Variants in PRDM15 observed in about 807,000 individuals in gnomAD.
PRDM15 encodes the protein PR/SET domain 15.
In PRDM15, 64 loss-of-function variants were observed where a neutral mutation model predicts 128.6. That is an observed-to-expected ratio of 0.50 (90% CI 0.41 to 0.61). The LOEUF is 0.61. Among genes scored for constraint, PRDM15 ranks in the 20% least tolerant of loss-of-function variants. PRDM15 has a pLI of 0.00. For synonymous variants in PRDM15, 615 were observed against 621.8 expected (o/e 0.99, Z 0.16); for missense variants, 1,242 against 1,569.1 (o/e 0.79, Z 3.52).
chr21:41,819,167 C>G (rs893834718), intron 18 of PRDM15, among the ~76,000 whole-genome samples: 2 of 152,260 alleles, frequency 1.3e-5, no homozygotes, highest in African/African-American at 2.4e-5. Flanking sequence ...TGCCTCGAGT[C>G]CTTCTTTCCT....
chr21:41,849,476 G>A (rs912476914), intron 5 of PRDM15, among the ~76,000 whole-genome samples: 1 of 152,026 alleles, frequency 6.6e-6, no homozygotes, highest in Non-Finnish European at 1.5e-5. Flanking sequence ...GCTGAGGCAT[G>A]AGAATTGCTC....
At chr21:41,808,132 C>T (rs1240270363) in intron 21 of PRDM15, among the ~76,000 whole-genome samples, 4 of 152,220 alleles carry the variant, frequency 2.6e-5, no homozygotes, top group Non-Finnish European at 4.4e-5. Context: ...GAAACCCACA[C>T]GTCATGGAGA....
At chr21:41,807,624 T>C (rs1361337837) in intron 21 of PRDM15, among the ~76,000 whole-genome samples, 2 of 152,116 alleles carry the variant, frequency 1.3e-5, no homozygotes, top group Non-Finnish European at 2.9e-5. Flanking sequence ...TATTTTTCTG[T>C]CTCCTACCCA....
chr21:41,855,926 CCCTCCCTTCCTTCCTTTCCTTCCCTCCCT>C (rs1568993972), intron 4 of PRDM15, among the ~76,000 whole-genome samples: 78 of 11,276 alleles, frequency 6.9e-3, no homozygotes, highest in East Asian at 0.02. Context: ...CTCCCTCCCT[CCCTCCCTTCCTTCCTTTCCTTCCCTCCCT>C]CCCTCCCTCC....
chr21:41,803,194 C>T, intron 22 of PRDM15: 1 of 488,770 alleles, frequency 2.0e-6, no homozygotes, highest in Non-Finnish European at 3.7e-6. Context: ...TTCTTAGAAA[C>T]TTAACGTTTT....
rs1238692235 is a variant in PRDM15 at position 41,821,335 on chromosome 21, G to C, written c.1897-105C>G. 13 of 1,346,782 alleles carry C rather than the reference G, an allele frequency of 9.7e-6. No homozygotes were observed. The highest frequency in any genetic ancestry group is 1.3e-5 in the Non-Finnish European group (13 of 971,782). The allele number at this position is 1,346,782 out of a possible 1,614,324, so 83.4% of individuals were successfully genotyped here. A position where few individuals can be genotyped will look rare whatever the true frequency, so the allele number is the denominator to read the frequency against. ...AACCAGGGCACCCGACACGCCCTGA[G>C]AGCCCATGACTCATGCCAGGGTGGA... is the stretch of plus-strand genomic sequence containing the variant. On this transcript the variant is annotated intron_variant, in intron 15 of 23. Coordinates refer to ENST00000398548, the MANE Select transcript of PRDM15 (RefSeq NM_001040424.3). The surrounding 1 kb of genome is among the most constrained non-coding windows in gnomAD (Gnocchi z 5.4).
At chr21:41,878,776 G>A in intron 1 of PRDM15, 1 of 1,447,584 alleles carries the variant, frequency 6.9e-7, no homozygotes, top group East Asian at 2.7e-5. Context: ...CCGAGGGCGG[G>A]GGATAACGAC....
chr21:41,826,983 C>T (rs927108859), intron 12 of PRDM15, among the ~76,000 whole-genome samples: 4 of 152,300 alleles, frequency 2.6e-5, no homozygotes, highest in South Asian at 4.2e-4. Flanking sequence ...CATTTATGGG[C>T]GCTTGCCATG....
Position 41,838,073 on chromosome 21 carries a change from G to A in PRDM15, c.872-10C>T. On this transcript the variant is annotated splice_polypyrimidine_tract_variant and intron_variant, in intron 7 of 23. Transcript: ENST00000398548. ...ATCTCTGCCACTTGCTCTGTACGAAGGGGATGTGACAAGCTAAGTAACCAC... is the reference window on the plus strand; with the variant it reads ...ATCTCTGCCACTTGCTCTGTACGAAAGGGATGTGACAAGCTAAGTAACCAC... 6.2e-7 allele frequency: 1 copy of A among 1,613,562 alleles called. No homozygotes were observed. The highest frequency in any genetic ancestry group is 1.1e-5 in the South Asian group (1 of 91,072).
At chr21:41,804,811 C>A in intron 21 of PRDM15, 197 bp from the exon 22 acceptor site, 1 of 476,626 alleles carries the variant, frequency 2.1e-6, no homozygotes, top group South Asian at 3.0e-5. Context: ...TATCCTCACC[C>A]CTTATTTCAT....
intron 11 of PRDM15, among the ~76,000 whole-genome samples, chr21:41,829,143 CCACA>C (rs1259239854): frequency 8.7e-5 from 13 of 149,686 alleles, no homozygotes; most frequent in East Asian, 2.0e-4. Context: ...CACACATGCC[CCACA>C]CAAATACACA....
chr21:41,819,959 C>T (rs987866982), intron 17 of PRDM15, 136 bp downstream of exon 17: 1 of 827,178 alleles, frequency 1.2e-6, no homozygotes, highest in Non-Finnish European at 1.9e-6. Flanking sequence ...ACGGGAAAAG[C>T]TGGAGAAACA....
At chr21:41,876,610 G>A (rs539193043) in intron 1 of PRDM15, among the ~76,000 whole-genome samples, 116 of 152,156 alleles carry the variant, frequency 7.6e-4, no homozygotes, top group African/African-American at 2.6e-3. Context: ...CAAGAGGAGG[G>A]ACCTTTCCTT....
At position 41,859,371 on chromosome 21, in the gene PRDM15, G is replaced by A. The variant is rs1319941443; in HGVS notation, c.131+221C>T. ...CTGGGCTCCAGCTAAGAACCCTGGA[G>A]TGGATCAAAGAAACTCACTCTGGAG... On this transcript the variant is annotated intron_variant, in intron 3 of 23. Coordinates refer to ENST00000398548, the MANE Select transcript of PRDM15 (RefSeq NM_001040424.3). This position sits in a 1 kb window ranked among gnomAD's most constrained non-coding sequence, Gnocchi z 5.3. 22 of 809,494 alleles carry A rather than the reference G, an allele frequency of 2.7e-5. No homozygotes were observed. The highest frequency in any genetic ancestry group is 3.7e-5 in the Non-Finnish European group (19 of 511,418). 50.1% of individuals were successfully genotyped at this position (809,494 alleles called of 1,614,324 possible).
intron 1 of PRDM15, chr21:41,867,215 C>T (rs1310901634): frequency 5.0e-6 from 5 of 992,828 alleles, no homozygotes; most frequent in Admixed American, 2.0e-5. Context: ...AAGGCAGCCA[C>T]TCAGGGGCCT....
chr21:41,823,511 C>A, intron 13 of PRDM15, 62 bp from the exon 14 acceptor site: 1 of 1,513,894 alleles, frequency 6.6e-7, no homozygotes, highest in South Asian at 1.2e-5. Flanking sequence ...GGAGCCTCTC[C>A]ATCAGGCTCC....
intron 11 of PRDM15, chr21:41,834,586 G>T: frequency 6.5e-7 from 1 of 1,543,922 alleles, no homozygotes; most frequent in East Asian, 2.4e-5. Flanking sequence ...GGGACACAAA[G>T]GCAACAGTGA....
chr21:41,829,648 T>C (rs1478613627), intron 11 of PRDM15, among the ~76,000 whole-genome samples: 2 of 146,294 alleles, frequency 1.4e-5, no homozygotes, highest in Non-Finnish European at 3.0e-5. Context: ...ACACCACAAA[T>C]ACATTCAACA....
intron 14 of PRDM15, among the ~76,000 whole-genome samples, chr21:41,822,379 C>T (rs1433048596): frequency 2.0e-5 from 3 of 152,250 alleles, no homozygotes; most frequent in Admixed American, 6.5e-5. Context: ...TCTTGATCAG[C>T]GCTTCTCCCA....
Sources: gnomAD v4.1 joint callset for allele counts (sites outside exome capture counted in the v4.1 genomes callset) on GRCh38, gnomAD v4.1.1 for gene constraint, Gnocchi (gnomAD v3.1) non-coding constraint, MANE v1.5 for transcripts, NCBI Gene and HGNC (gene_info 2026-07-23, HGNC 2026-07-21) for gene names.